Variants in FILIP1 observed in about 807,000 individuals in gnomAD.
The protein encoded by FILIP1 is filamin A interacting protein 1.
FILIP1 carries 61 observed loss-of-function variants against 102.1 expected under a neutral mutation model. That is an observed-to-expected ratio of 0.60 (90% CI 0.49 to 0.74). FILIP1 has a LOEUF of 0.74. Ranked by LOEUF, FILIP1 falls within the 30% of genes least tolerant of loss-of-function variation. The pLI is 0.00. For synonymous variants in FILIP1, 491 were observed against 526.9 expected, an observed-to-expected ratio of 0.93 and a Z score of 0.93; for missense variants, 1,314 against 1,441.2, an observed-to-expected ratio of 0.91 and a Z score of 1.43.
At chr6:75,460,000 A>G (rs2149748684) in intron 1 of FILIP1, among the ~76,000 whole-genome samples, 1 of 152,298 alleles carries the variant, frequency 6.6e-6, no homozygotes, top group East Asian at 1.9e-4. Context: ...ATTTGGGAAA[A>G]CACTTAAGAC....
At chr6:75,298,817 C>G (rs1772756735) in intron 6 of FILIP1, among the ~76,000 whole-genome samples, 1 of 151,994 alleles carries the variant, frequency 6.6e-6, no homozygotes, top group Admixed American at 6.6e-5. Flanking sequence ...ACTCTGGAGG[C>G]TGAGGTGGGA....
exon 7 of FILIP1, chr6:75,295,195 T>A (rs1413207334): frequency 6.6e-6 from 1 of 152,208 alleles, no homozygotes; most frequent in East Asian, 1.9e-4. Context: ...CTGGTTAAAC[T>A]GGTACATCTC....
chr6:75,401,155 A>G (rs1248856050), intron 2 of FILIP1, among the ~76,000 whole-genome samples: 1 of 152,066 alleles, frequency 6.6e-6, no homozygotes, highest in Non-Finnish European at 1.5e-5. Context: ...TCTGGTATCA[A>G]CCCTCACCAT....
chr6:75,405,878 G>C (rs924787616), intron 2 of FILIP1, among the ~76,000 whole-genome samples: 3 of 152,168 alleles, frequency 2.0e-5, no homozygotes, highest in Admixed American at 2.0e-4. Flanking sequence ...AATCGAAAAA[G>C]CTTGCTTTAC....
rs377766750 is a variant in FILIP1 at position 75,355,867 on chromosome 6, C to T, written c.451-2150G>A. Among the ~76,000 whole-genome samples, 11 of 152,266 alleles carry T rather than the reference C, an allele frequency of 7.2e-5. No homozygotes were observed. In the East Asian group the frequency reaches 1.7e-3, roughly 24 times the overall value. ...CCTATCCTACTCAGTATCCTATTTT[C>T]CCCCTTTGAGTTCTAATTCATTGTT... On this transcript the variant is annotated intron_variant, in intron 3 of 5. Transcript: ENST00000237172.
At chr6:75,312,321 T>A in intron 5 of FILIP1, 76 bp downstream of exon 5, 3 of 1,433,996 alleles carry the variant, frequency 2.1e-6, no homozygotes, top group Non-Finnish European at 2.8e-6. Context: ...TGGGTTTTAC[T>A]GTGGGTGCTG....
intron 1 of FILIP1, among the ~76,000 whole-genome samples, chr6:75,432,760 C>G (rs1276646440): frequency 6.6e-6 from 1 of 151,898 alleles, no homozygotes; most frequent in Non-Finnish European, 1.5e-5. Context: ...TATACATGTG[C>G]CATGTTGGTG....
At chr6:75,456,176 C>T (rs1778821663) in intron 1 of FILIP1, among the ~76,000 whole-genome samples, 1 of 152,202 alleles carries the variant, frequency 6.6e-6, no homozygotes, top group African/African-American at 2.4e-5. Context: ...TCTGGAAACA[C>T]TTTTGGTTGT....
chr6:75,445,479 C>G (rs1381405114), intron 1 of FILIP1, among the ~76,000 whole-genome samples: 5 of 152,142 alleles, frequency 3.3e-5, no homozygotes, highest in Admixed American at 6.5e-5. Context: ...GCAAGCATTA[C>G]TTTCCCTTCC....
chr6:75,379,252 T>A (rs990786787), intron 2 of FILIP1, among the ~76,000 whole-genome samples: 12 of 152,224 alleles, frequency 7.9e-5, no homozygotes, highest in African/African-American at 2.4e-4. Flanking sequence ...TTACTAGGTA[T>A]AAATGTAGTT....
Position 75,362,809 on chromosome 6 carries a change from G to T in FILIP1, c.385C>A (p.Arg129=), listed in dbSNP as rs150948880. 6.2e-7 allele frequency: 1 copy of T among 1,613,838 alleles called. No individual in the cohort carries two copies. Among genetic ancestry groups the T allele is most frequent in the Non-Finnish European group, 8.5e-7 (1 of 1,180,020 alleles). Residue 129 remains arginine, a synonymous_variant, in exon 3 of 6, where the codon CGA becomes AGA. Coordinates refer to ENST00000237172, the MANE Select transcript of FILIP1 (RefSeq NM_015687.5). ...TTCTCCTGGGCAAGAATGGCATCTC[G>T]GTGCAGGACCCGCAGCACTTTCTCT... ...EPEKVLRVLH[R]DAILAQEKSI...
chr6:75,418,253 T>C (rs1422125673), intron 1 of FILIP1, among the ~76,000 whole-genome samples: 1 of 152,160 alleles, frequency 6.6e-6, no homozygotes, highest in East Asian at 1.9e-4. Context: ...CATAACAAAA[T>C]TTGAGAAATC....
intron 6 of FILIP1, among the ~76,000 whole-genome samples, chr6:75,301,037 GTATT>G (rs565844961): frequency 5.0e-4 from 76 of 152,298 alleles, no homozygotes; most frequent in African/African-American, 1.6e-3. Context: ...AAATAGGTAA[GTATT>G]TGAGCAAAGC....
At chr6:75,319,345 A>T (rs551997895) in intron 4 of FILIP1, 2 of 639,854 alleles carry the variant, frequency 3.1e-6, no homozygotes, top group African/African-American at 3.7e-5. Context: ...CGATACTCAG[A>T]GCAGAACATG....
intron 1 of FILIP1, chr6:75,454,008 T>A (rs552503129): frequency 1.2e-4 from 57 of 456,654 alleles, no homozygotes; most frequent in South Asian, 8.7e-4. Flanking sequence ...TAAAACAACA[T>A]CCATTTATTA....
chr6:75,356,062 A>G (rs943742040), intron 3 of FILIP1, among the ~76,000 whole-genome samples: 17 of 152,156 alleles, frequency 1.1e-4, no homozygotes, highest in Non-Finnish European at 1.2e-4. Flanking sequence ...GGAGGGAAAA[A>G]TCCACCGCCA....
intron 4 of FILIP1, among the ~76,000 whole-genome samples, chr6:75,344,492 A>C (rs961722785): frequency 2.0e-5 from 3 of 152,238 alleles, no homozygotes; most frequent in African/African-American, 7.2e-5. Context: ...GGGCCTACCA[A>C]CTAAAATGGG....
chr6:75,442,648 G>A (rs1778307432), intron 1 of FILIP1, among the ~76,000 whole-genome samples: 1 of 152,246 alleles, frequency 6.6e-6, no homozygotes, highest in Non-Finnish European at 1.5e-5. Context: ...CAGGCACTCG[G>A]CAGGCTGAGG....
chr6:75,310,820 T>C (rs1773157837), intron 5 of FILIP1, among the ~76,000 whole-genome samples: 1 of 152,236 alleles, frequency 6.6e-6, no homozygotes, highest in Non-Finnish European at 1.5e-5. Flanking sequence ...TAATTCTGAA[T>C]GCTATTTGGC....
Sources: gnomAD v4.1 joint callset for allele counts (sites outside exome capture counted in the v4.1 genomes callset) on GRCh38, gnomAD v4.1.1 for gene constraint, MANE v1.5 for transcripts, NCBI Gene and HGNC (gene_info 2026-07-23, HGNC 2026-07-21) for gene names.